CTNNA2: variants seen among roughly 807,000 people sequenced by gnomAD.
The protein encoded by CTNNA2 is catenin alpha-2.
A neutral mutation model predicts 101.0 loss-of-function variants in CTNNA2; 42 were observed. That is an observed-to-expected ratio of 0.42 (90% CI 0.32 to 0.54). CTNNA2 has a LOEUF of 0.54. CTNNA2 is among the 20% of genes least tolerant of loss of function. The pLI is 0.14. For synonymous variants in CTNNA2, 450 were observed against 456.4 expected (o/e 0.99, Z 0.18); for missense variants, 871 against 1,223.1 (o/e 0.71, Z 4.29).
At chr2:79,389,843 TAATAATC>T (rs1223339374) in intron 4 of CTNNA2, among the ~76,000 whole-genome samples, 1 of 152,218 alleles carries the variant, frequency 6.6e-6, no homozygotes, top group Admixed American at 6.5e-5. Flanking sequence ...ATCTGCGGGA[TAATAATC>T]AATGGTATGC....
chr2:80,162,352 A>T, intron 7 of CTNNA2: 1 of 1,168,304 alleles, frequency 8.6e-7, no homozygotes, highest in South Asian at 1.7e-5. Context: ...CAACTTGTAA[A>T]GCTGCTCTGT....
chr2:79,516,761 A>C (rs2103850523), intron 1 of CTNNA2, among the ~76,000 whole-genome samples: 1 of 152,278 alleles, frequency 6.6e-6, no homozygotes, highest in Non-Finnish European at 1.5e-5. Flanking sequence ...CTTTTCTTTT[A>C]ACTTCAAGGC....
At chr2:79,818,634 A>C (rs952984905) in intron 3 of CTNNA2, among the ~76,000 whole-genome samples, 3 of 151,504 alleles carry the variant, frequency 2.0e-5, no homozygotes, top group Non-Finnish European at 4.4e-5. Flanking sequence ...CCTTTAAAAG[A>C]CTGTTAATGA....
chr2:79,244,955 C>A lies in CTNNA2; in HGVS notation c.-406+46879C>A, dbSNP rs1032375550. 3.3e-5 allele frequency among the ~76,000 whole-genome samples: 5 copies of A among 151,940 alleles called. No homozygotes were observed. The South Asian group carries it at 1.0e-3, about 32-fold the overall frequency. On this transcript the variant is annotated intron_variant, in intron 2 of 21. Coordinates refer to the CTNNA2 transcript ENST00000466387. ...ACTAAAAATACAAAAATTAGTTGGGCTTGGTGGCATGTGCCTATAATCCCA... is the reference window on the plus strand; with the variant it reads ...ACTAAAAATACAAAAATTAGTTGGGATTGGTGGCATGTGCCTATAATCCCA...
intron 2 of CTNNA2, chr2:79,198,160 A>C (rs1489644770): frequency 1.3e-5 from 2 of 152,212 alleles, no homozygotes; most frequent in Non-Finnish European, 2.9e-5. Context: ...ACAGCTAAGA[A>C]AATGAGGGTA....
intron 7 of CTNNA2, among the ~76,000 whole-genome samples, chr2:80,088,090 A>G (rs10181663): frequency 0.22 from 33,910 of 151,934 alleles, 6,403 homozygotes; most frequent in African/African-American, 0.51. Context: ...CACAAGAAAC[A>G]TTGAACCTCA....
chr2:79,318,117 T>C (rs573601167), intron 3 of CTNNA2, among the ~76,000 whole-genome samples: 1 of 152,194 alleles, frequency 6.6e-6, no homozygotes, highest in South Asian at 2.1e-4. Flanking sequence ...TAAAAAAAAT[T>C]CTACCAAATA....
intron 2 of CTNNA2, among the ~76,000 whole-genome samples, chr2:79,676,685 A>C (rs1219546755): frequency 6.6e-6 from 1 of 152,172 alleles, no homozygotes; most frequent in Non-Finnish European, 1.5e-5. Context: ...AGGGGATTTC[A>C]ACTATAAATA....
At position 80,388,542 on chromosome 2, in the gene CTNNA2, C is replaced by T. The variant is rs940188995; in HGVS notation, c.1057-4669C>T. ...TGGTTTTTCTGCTTCTCATATTTCA[C>T]GATTCCATAATTCATCCTTGGCCCT... On this transcript the variant is annotated intron_variant, in intron 7 of 18. Transcript: ENST00000402739. 2.6e-5 allele frequency among the ~76,000 whole-genome samples: 4 copies of T among 152,158 alleles called. No individual in the cohort carries two copies. In the South Asian group the frequency reaches 6.2e-4, roughly 24 times the overall value.
At chr2:79,322,285 G>A (rs931642608) in intron 3 of CTNNA2, among the ~76,000 whole-genome samples, 2 of 152,110 alleles carry the variant, frequency 1.3e-5, no homozygotes, top group African/African-American at 4.8e-5. Flanking sequence ...AGACTGCGGG[G>A]GGCTGCCACA....
intron 7 of CTNNA2, among the ~76,000 whole-genome samples, chr2:80,095,928 A>G (rs2148828987): frequency 6.6e-6 from 1 of 152,008 alleles, no homozygotes; most frequent in African/African-American, 2.4e-5. Flanking sequence ...CGATCTATTA[A>G]TTTTGTTGAT....
intron 18 of CTNNA2, among the ~76,000 whole-genome samples, chr2:80,638,523 G>A (rs1201711763): frequency 6.6e-6 from 1 of 152,166 alleles, no homozygotes; most frequent in Non-Finnish European, 1.5e-5. Context: ...TGGATAAACA[G>A]GTGGCCCTGT....
At chr2:79,874,381 GGTGTT>G in intron 6 of CTNNA2, 39 bp downstream of exon 6, 1 of 1,572,344 alleles carries the variant, frequency 6.4e-7, no homozygotes, top group Admixed American at 1.9e-5. Context: ...GGTGGGCACT[GGTGTT>G]GACAAAAAAA....
At chr2:79,649,993 G>A (rs559137077) in intron 1 of CTNNA2, among the ~76,000 whole-genome samples, 1 of 152,144 alleles carries the variant, frequency 6.6e-6, no homozygotes, top group East Asian at 1.9e-4. Flanking sequence ...GAATTGAATG[G>A]GGACATTGAT....
At chr2:80,030,645 A>G (rs1380126424) in intron 7 of CTNNA2, 1 of 152,192 alleles carries the variant, frequency 6.6e-6, no homozygotes, top group Non-Finnish European at 1.5e-5. Context: ...CAACAAAGAA[A>G]TCAAAAAAAT....
At chr2:79,281,310 T>A (rs991025330) in intron 2 of CTNNA2, among the ~76,000 whole-genome samples, 3 of 152,154 alleles carry the variant, frequency 2.0e-5, no homozygotes, top group Non-Finnish European at 2.9e-5. Context: ...CCCATGGTGG[T>A]GATCTAAAGA....
chr2:80,098,504 G>A (rs1180416416), intron 7 of CTNNA2, among the ~76,000 whole-genome samples: 2 of 152,210 alleles, frequency 1.3e-5, no homozygotes, highest in Non-Finnish European at 1.5e-5. Flanking sequence ...CAAGCTGCGT[G>A]TTGGGAGAAC....
chr2:79,396,852 G>A (rs1678238876), intron 4 of CTNNA2, among the ~76,000 whole-genome samples: 1 of 152,116 alleles, frequency 6.6e-6, no homozygotes, highest in Non-Finnish European at 1.5e-5. Context: ...TCAGCATGTT[G>A]CTCTCCACAA....
intron 7 of CTNNA2, among the ~76,000 whole-genome samples, chr2:79,976,876 A>G (rs1690887533): frequency 6.6e-6 from 1 of 152,140 alleles, no homozygotes; most frequent in African/African-American, 2.4e-5. Context: ...GGAAAGCCTC[A>G]TATTTCTGCA....
Sources: gnomAD v4.1 joint callset for allele counts (sites outside exome capture counted in the v4.1 genomes callset) on GRCh38, gnomAD v4.1.1 for gene constraint, MANE v1.5 for transcripts, NCBI Gene and HGNC (gene_info 2026-07-23, HGNC 2026-07-21) for gene names.